The following CRACD variants were observed in gnomAD, a reference collection of about 807,000 sequenced individuals.
CRACD encodes the protein capping protein inhibiting regulator of actin dynamics, also known as capping protein-inhibiting regulator of actin dynamics.
Under a neutral mutation model 106.8 loss-of-function variants are expected in CRACD, and 56 were observed. The observed-to-expected ratio is 0.52, with a 90% CI of 0.42 to 0.66. CRACD has a LOEUF of 0.66. CRACD is among the 30% of genes least tolerant of loss of function. The pLI is 0.00. For synonymous variants in CRACD, 754 were observed against 670.8 expected (o/e 1.12, Z -1.92); for missense variants, 1,730 against 1,623.2 (o/e 1.07, Z -1.13).
intron 4 of CRACD, among the ~76,000 whole-genome samples, chr4:56,305,505 C>A (rs747498623): frequency 4.8e-5 from 7 of 144,682 alleles, no homozygotes; most frequent in South Asian, 4.7e-4. Flanking sequence ...CTGTTCTAAC[C>A]ATGCCTGCTT....
intron 1 of CRACD, among the ~76,000 whole-genome samples, chr4:56,097,878 A>C (rs1041635234): frequency 6.6e-6 from 1 of 152,156 alleles, no homozygotes; most frequent in African/African-American, 2.4e-5. Flanking sequence ...TTTAGTTGGC[A>C]ACTGTTTTAA....
chr4:56,070,153 A>G (rs548377822), intron 1 of CRACD, among the ~76,000 whole-genome samples: 9 of 152,230 alleles, frequency 5.9e-5, no homozygotes, highest in African/African-American at 2.2e-4. Flanking sequence ...TTTCTGGTCC[A>G]TGCTCTTCAC....
chr4:56,099,031 G>C (rs2109829061), intron 1 of CRACD, among the ~76,000 whole-genome samples: 1 of 152,298 alleles, frequency 6.6e-6, no homozygotes, highest in Non-Finnish European at 1.5e-5. Flanking sequence ...CTGAATTCCT[G>C]TTAATTACAT....
chr4:56,303,759 C>T (rs1053441168), intron 4 of CRACD, among the ~76,000 whole-genome samples: 3 of 152,212 alleles, frequency 2.0e-5, no homozygotes, highest in Admixed American at 6.5e-5. Flanking sequence ...GAGCACCATG[C>T]GTCGGACCCT....
chr4:56,280,931 C>G (rs946823594), intron 3 of CRACD, among the ~76,000 whole-genome samples: 2 of 152,130 alleles, frequency 1.3e-5, no homozygotes, highest in Admixed American at 6.5e-5. Flanking sequence ...TATCCTCTAT[C>G]CTTAGGAAGC....
chr4:56,122,735 T>G (rs1290840512), intron 1 of CRACD, among the ~76,000 whole-genome samples: 4 of 152,188 alleles, frequency 2.6e-5, no homozygotes, highest in African/African-American at 4.8e-5. Flanking sequence ...GTGCTTTAGC[T>G]TTATTATATT....
intron 3 of CRACD, chr4:56,288,347 G>T (rs1222815981): frequency 2.4e-5 from 7 of 294,852 alleles, no homozygotes; most frequent in South Asian, 3.6e-5. Context: ...CACCCAGATA[G>T]TGACGAAAGT....
intron 1 of CRACD, among the ~76,000 whole-genome samples, chr4:56,063,256 C>T (rs376496475): frequency 3.3e-5 from 5 of 151,598 alleles, no homozygotes; most frequent in African/African-American, 7.3e-5. Flanking sequence ...TGCAGTGGTG[C>T]GATCATGGCT....
intron 2 of CRACD, among the ~76,000 whole-genome samples, chr4:56,235,255 C>T (rs1739896745): frequency 6.6e-6 from 1 of 152,060 alleles, no homozygotes; most frequent in African/African-American, 2.4e-5. Flanking sequence ...GAGCTTTCAT[C>T]AAAAACAGAT....
chr4:56,240,688 A>G (rs1171743181), intron 2 of CRACD, among the ~76,000 whole-genome samples: 1 of 152,148 alleles, frequency 6.6e-6, no homozygotes, highest in East Asian at 1.9e-4. Flanking sequence ...CTGTAGAAAC[A>G]GGATCTTGCT....
At chr4:56,159,008 T>A (rs531339220) in intron 1 of CRACD, among the ~76,000 whole-genome samples, 1 of 152,392 alleles carries the variant, frequency 6.6e-6, no homozygotes, top group South Asian at 2.1e-4. Flanking sequence ...ATTTCCCAGC[T>A]GTCCCATGCC....
intron 3 of CRACD, among the ~76,000 whole-genome samples, chr4:56,293,810 A>G (rs1443772865): frequency 2.0e-5 from 3 of 152,250 alleles, no homozygotes; most frequent in Admixed American, 1.3e-4. Flanking sequence ...GCCACCTCCC[A>G]CCATTGGAGA....
intron 1 of CRACD, among the ~76,000 whole-genome samples, chr4:56,050,302 G>C (rs1731833254): frequency 6.7e-6 from 1 of 149,436 alleles, no homozygotes; most frequent in African/African-American, 2.5e-5. Context: ...GTGTGTGTGT[G>C]TGTGTGTGTG....
chr4:56,305,202 C>CA (rs781210190), intron 4 of CRACD, among the ~76,000 whole-genome samples: 1 of 152,200 alleles, frequency 6.6e-6, no homozygotes, highest in African/African-American at 2.4e-5. Flanking sequence ...GCCTGTGCGA[C>CA]AGAAAGAGAC....
chr4:56,221,328 G>A (rs187484842), intron 2 of CRACD, among the ~76,000 whole-genome samples: 218 of 152,096 alleles, frequency 1.4e-3, no homozygotes, highest in Non-Finnish European at 2.6e-3. Context: ...TTGTTATTAA[G>A]GGGAAAAAAG....
chr4:56,061,335 A>G (rs540111980), intron 1 of CRACD, among the ~76,000 whole-genome samples: 23 of 151,956 alleles, frequency 1.5e-4, no homozygotes, highest in African/African-American at 5.3e-4. Context: ...CATGCCCACC[A>G]GTTTTTGTGG....
chr4:56,055,551 A>G (rs1159122828), intron 1 of CRACD, among the ~76,000 whole-genome samples: 1 of 152,164 alleles, frequency 6.6e-6, no homozygotes, highest in Non-Finnish European at 1.5e-5. Context: ...GGCTGTTAAG[A>G]CACTGCTGGT....
intron 1 of CRACD, among the ~76,000 whole-genome samples, chr4:56,104,980 A>AAG (rs1276020216): frequency 1.3e-5 from 2 of 151,860 alleles, no homozygotes; most frequent in African/African-American, 4.8e-5. Context: ...AAAAAAAAAA[A>AAG]AAAAGCTAAT....
chr4:56,243,353 C>T (rs560313984), intron 2 of CRACD, among the ~76,000 whole-genome samples: 6 of 152,228 alleles, frequency 3.9e-5, no homozygotes, highest in African/African-American at 1.4e-4. Flanking sequence ...GGTGGAACAA[C>T]AAAATAGGAA....
Sources: allele counts gnomAD v4.1 joint callset (sites outside exome capture counted in the v4.1 genomes callset), GRCh38; gene constraint gnomAD v4.1.1; transcripts MANE v1.5; gene names NCBI Gene and HGNC (gene_info 2026-07-23, HGNC 2026-07-21).